The following SNRPN variants were observed in gnomAD, a reference collection of about 807,000 sequenced individuals.
SNRPN encodes small nuclear ribonucleoprotein-associated protein N.
In SNRPN, 7 loss-of-function variants were observed where a neutral mutation model predicts 25.2. The observed-to-expected ratio is 0.28, with a 90% CI of 0.16 to 0.52. The LOEUF (loss-of-function observed/expected upper bound fraction) is 0.52. SNRPN is among the 20% of genes least tolerant of loss of function. The pLI, the probability that SNRPN is intolerant of heterozygous loss-of-function variation, is 0.96. For missense variants in SNRPN, 196 were observed against 322.5 expected (o/e 0.61, Z 3.00); for synonymous variants, 124 against 110.6 (o/e 1.12, Z -0.76).
chr15:24,865,207 C>G (rs1171221145), intron 1 of SNRPN, among the ~76,000 whole-genome samples: 1 of 152,040 alleles, frequency 6.6e-6, no homozygotes, highest in Non-Finnish European at 1.5e-5. Flanking sequence ...CCACCATGTC[C>G]AGCTAATTTT....
chr15:24,901,511 G>A (rs1421098658), intron 2 of SNRPN, among the ~76,000 whole-genome samples: 3 of 152,110 alleles, frequency 2.0e-5, no homozygotes. Context: ...AAGAACACTT[G>A]TTTGTATGAC....
intron 3 of SNRPN, among the ~76,000 whole-genome samples, chr15:24,921,684 G>A (rs751807996): frequency 1.3e-5 from 2 of 152,170 alleles, no homozygotes; most frequent in African/African-American, 2.4e-5. Flanking sequence ...GAATTTGCTA[G>A]TCAGATGGCC....
chr15:24,914,035 G>T (rs1012424456), intron 2 of SNRPN, among the ~76,000 whole-genome samples: 1 of 152,140 alleles, frequency 6.6e-6, no homozygotes, highest in Non-Finnish European at 1.5e-5. Flanking sequence ...GGCTGACCAG[G>T]GTCTAAAGTT....
intron 3 of SNRPN, among the ~76,000 whole-genome samples, chr15:24,928,333 C>A (rs1365197763): frequency 6.6e-6 from 1 of 151,972 alleles, no homozygotes; most frequent in Non-Finnish European, 1.5e-5. Context: ...CCGAAGTGTT[C>A]ATCAACAGAC....
intron 3 of SNRPN, among the ~76,000 whole-genome samples, chr15:24,969,966 A>G (rs2076192604): frequency 1.3e-5 from 2 of 152,236 alleles, no homozygotes; most frequent in South Asian, 4.1e-4. Context: ...AATACTTAGT[A>G]TCTTGCTATT....
chr15:24,823,852 TG>T (rs1216271026), intron 1 of SNRPN: 2 of 152,096 alleles, frequency 1.3e-5, no homozygotes, highest in Non-Finnish European at 2.9e-5. Flanking sequence ...TTTTTGGAGG[TG>T]GGGGTGCAGA....
intron 3 of SNRPN, among the ~76,000 whole-genome samples, chr15:24,928,780 T>TA (rs2060592050): frequency 2.0e-5 from 3 of 152,180 alleles, no homozygotes; most frequent in African/African-American, 7.2e-5. Flanking sequence ...TATTTTTTTT[T>TA]AATTTTCTAT....
At chr15:24,883,348 G>A (rs889468905) in intron 1 of SNRPN, among the ~76,000 whole-genome samples, 1 of 152,054 alleles carries the variant, frequency 6.6e-6, no homozygotes, top group Non-Finnish European at 1.5e-5. Context: ...CCAGAGCCTC[G>A]GGCTCACCCT....
intron 2 of SNRPN, chr15:24,849,333 A>T (rs2052583194): frequency 6.6e-6 from 1 of 152,230 alleles, no homozygotes; most frequent in South Asian, 2.1e-4. Context: ...TCATACAATT[A>T]CAAAATTATT....
In SNRPN at chr15:24,888,300, G is replaced by T. The variant is rs193062954; in HGVS notation, c.-505+1711G>T. 2.2e-3 allele frequency among the ~76,000 whole-genome samples: 337 copies of T among 152,026 alleles called. 1 individual carries two copies. The highest frequency in any genetic ancestry group is 3.4e-3 in the Non-Finnish European group (229 of 67,986). On this transcript the variant is annotated intron_variant, in intron 2 of 11. Transcript: ENST00000400097. ...ATTTTTGTATTTTTAGTAGAGACAG[G>T]TTTCACTGTCTTGGCCAGGCTGGTC...
chr15:24,877,862 T>C (rs920967984), intron 1 of SNRPN, among the ~76,000 whole-genome samples: 1 of 152,036 alleles, frequency 6.6e-6, no homozygotes, highest in African/African-American at 2.4e-5. Context: ...AAAAATGCAA[T>C]CTAATAATGT....
rs547878482 is a variant in SNRPN at position 24,830,856 on chromosome 15, T to C, written c.-579+951T>C. ...TTTATGGAGGAGAATGTGGTGCATC[T>C]CGATGAGTGGTCCTGTGGGCTTGAG... On this transcript the variant is annotated intron_variant, in intron 2 of 12. Coordinates refer to the SNRPN transcript ENST00000400100. 3.5e-4 allele frequency among the ~76,000 whole-genome samples: 54 copies of C among 152,196 alleles called. 1 individual carries two copies. Among genetic ancestry groups the C allele is most frequent in the Admixed American group, 2.7e-3 (41 of 15,292 alleles).
intron 2 of SNRPN, among the ~76,000 whole-genome samples, chr15:24,900,613 G>A (rs2058384773): frequency 6.6e-6 from 1 of 152,080 alleles, no homozygotes; most frequent in Non-Finnish European, 1.5e-5. Context: ...GGATTGAATA[G>A]CAACCTATTC....
upstream of SNRPN, among the ~76,000 whole-genome samples, chr15:24,953,319 T>A (rs545666916): frequency 1.6e-4 from 25 of 152,212 alleles, no homozygotes; most frequent in African/African-American, 6.0e-4. Context: ...ACATACAGTA[T>A]GCTTTTATTT....
intron 3 of SNRPN, among the ~76,000 whole-genome samples, chr15:24,933,526 C>G (rs192075545): frequency 1.3e-5 from 2 of 152,140 alleles, no homozygotes; most frequent in Admixed American, 1.3e-4. Context: ...GCCTGTAATC[C>G]CAGCACTTCA....
chr15:24,833,609 C>T (rs1168376659), intron 2 of SNRPN, among the ~76,000 whole-genome samples: 4 of 151,926 alleles, frequency 2.6e-5, no homozygotes, highest in African/African-American at 7.3e-5. Context: ...GAGGTACACA[C>T]GTTTATATAT....
intron 2 of SNRPN, among the ~76,000 whole-genome samples, chr15:24,902,218 T>C (rs1055200013): frequency 2.6e-5 from 4 of 152,136 alleles, no homozygotes; most frequent in Admixed American, 6.5e-5. Context: ...CATCTGTGAA[T>C]TGGGAATTCA....
At chr15:24,909,081 G>T in intron 2 of SNRPN, 5 of 1,407,758 alleles carry the variant, frequency 3.6e-6, no homozygotes, top group East Asian at 2.3e-5. Context: ...GGATTCTCTC[G>T]TATAGCAGCA....
chr15:24,970,808 G>A (rs572787625), intron 3 of SNRPN, among the ~76,000 whole-genome samples: 1 of 151,918 alleles, frequency 6.6e-6, no homozygotes, highest in East Asian at 1.9e-4. Context: ...GTATTCTGGT[G>A]TTTTTTTGTT....
Sources: allele counts gnomAD v4.1 joint callset (sites outside exome capture counted in the v4.1 genomes callset), GRCh38; gene constraint gnomAD v4.1.1; transcripts MANE v1.5; gene names NCBI Gene and HGNC (gene_info 2026-07-23, HGNC 2026-07-21).